The following MTDH variants were observed in gnomAD, a reference collection of about 807,000 sequenced individuals.
MTDH encodes metadherin, also known as protein LYRIC.
In MTDH, 34 loss-of-function variants were observed where a neutral mutation model predicts 72.7. That is an observed-to-expected ratio of 0.47 (90% CI 0.36 to 0.62). The LOEUF is 0.62. Among genes scored for constraint, MTDH ranks in the 20% least tolerant of loss-of-function variants. The pLI is 0.00. For missense variants in MTDH, 677 were observed against 699.4 expected, an observed-to-expected ratio of 0.97 and a Z score of 0.36; for synonymous variants, 266 against 268.9, an observed-to-expected ratio of 0.99 and a Z score of 0.10.
At chr8:97,673,393 T>C (rs1237650069) in intron 2 of MTDH, among the ~76,000 whole-genome samples, 1 of 152,054 alleles carries the variant, frequency 6.6e-6, no homozygotes, top group African/African-American at 2.4e-5. Context: ...GCACGGTGGT[T>C]CACGCCTGTA....
Position 97,724,913 on chromosome 8 carries a change from C to A in MTDH, c.*243C>A. The A allele has an allele frequency of 3.3e-6, 1 of 299,852 alleles. No individual in the cohort carries two copies. The allele number at this position is 299,852 out of a possible 1,614,324, so 18.6% of individuals were successfully genotyped here. A position where few individuals can be genotyped will look rare whatever the true frequency, so the allele number is the denominator to read the frequency against. ...GAAAGTCTTTTTAATAGAACAAGAA[C>A]GATCTTAATTTAAGAATATTATCCT... On this transcript the variant is annotated 3_prime_UTR_variant, in exon 12 of 12. Coordinates refer to ENST00000336273, the MANE Select transcript of MTDH (RefSeq NM_178812.4).
chr8:97,647,712 T>C (rs370834340), intron 1 of MTDH, among the ~76,000 whole-genome samples: 1 of 152,188 alleles, frequency 6.6e-6, no homozygotes, highest in East Asian at 1.9e-4. Context: ...GAAATCTTAG[T>C]TGAGTTAAAA....
intron 9 of MTDH, among the ~76,000 whole-genome samples, chr8:97,717,974 TC>T (rs1334875331): frequency 2.6e-5 from 4 of 152,272 alleles, no homozygotes; most frequent in African/African-American, 9.6e-5. Context: ...GGTCTTGAAC[TC>T]CTGACCTCAA....
At chr8:97,669,302 A>G (rs921932957) in intron 2 of MTDH, among the ~76,000 whole-genome samples, 3 of 151,838 alleles carry the variant, frequency 2.0e-5, no homozygotes, top group African/African-American at 7.3e-5. Flanking sequence ...GGCACCTGCC[A>G]CCACACCCAA....
At chr8:97,691,703 TTG>T (rs139784203) in intron 6 of MTDH, among the ~76,000 whole-genome samples, 30 of 149,518 alleles carry the variant, frequency 2.0e-4, no homozygotes, top group Admixed American at 2.7e-4. Flanking sequence ...GTGTGTGTGT[TTG>T]TGTGTGTGTG....
In MTDH at chr8:97,719,776, G is replaced by A. The variant is rs2131082476; in HGVS notation, c.1521+587G>A. On this transcript the variant is annotated intron_variant, in intron 10 of 11. Coordinates refer to ENST00000336273, the MANE Select transcript of MTDH (RefSeq NM_178812.4). ...ACAAGGGATAGACAGCTTAGACATA[G>A]AGAAAATATGAGTGGTTTCATTTTC... Among the ~76,000 whole-genome samples, 2 of 152,208 alleles carry A rather than the reference G, an allele frequency of 1.3e-5. 1 individual carries two copies. The highest frequency in any genetic ancestry group is 4.2e-4 in the South Asian group (2 of 4,818).
intron 10 of MTDH, among the ~76,000 whole-genome samples, chr8:97,722,382 A>G (rs1815164241): frequency 6.6e-6 from 1 of 152,184 alleles, no homozygotes; most frequent in South Asian, 2.1e-4. Context: ...CAGGCGGATC[A>G]CGAAGTCAAG....
At chr8:97,675,642 T>G (rs1812812458) in intron 2 of MTDH, among the ~76,000 whole-genome samples, 1 of 150,422 alleles carries the variant, frequency 6.6e-6, no homozygotes. Flanking sequence ...GAGGCTGAGG[T>G]GGGCAAATTG....
Position 97,661,122 on chromosome 8 carries a change from T to C in MTDH, c.432T>C (p.Pro144=). 1 of 1,613,056 alleles carries C rather than the reference T, an allele frequency of 6.2e-7. No homozygotes were observed. The highest frequency in any genetic ancestry group is 8.5e-7 in the Non-Finnish European group (1 of 1,179,564). Reference sequence around the variant, plus strand: ...CTGAGGGTGAAGCTGTTCGAACACCTCAAAGTGTAACAGCAAAGCAGCCAC... The same window carrying C: ...CTGAGGGTGAAGCTGTTCGAACACCCCAAAGTGTAACAGCAAAGCAGCCAC... ...EVAEGEAVRT[P]QSVTAKQPPE... The change falls in exon 2 of 12, where the codon CCT becomes CCC. Residue 144 remains proline (P), a synonymous_variant. Coordinates refer to ENST00000336273, the MANE Select transcript of MTDH (RefSeq NM_178812.4).
At chr8:97,646,227 G>T (rs1004588633) in intron 1 of MTDH, among the ~76,000 whole-genome samples, 2 of 152,196 alleles carry the variant, frequency 1.3e-5, no homozygotes, top group Non-Finnish European at 2.9e-5. Flanking sequence ...GTCACAGTTA[G>T]TGCATTATGA....
chr8:97,684,643 A>G (rs897399082), intron 2 of MTDH, among the ~76,000 whole-genome samples: 1 of 152,230 alleles, frequency 6.6e-6, no homozygotes, highest in African/African-American at 2.4e-5. Flanking sequence ...TAGTTGACAG[A>G]TGTTCAATAT....
chr8:97,656,877 A>G (rs1337260069), intron 1 of MTDH, among the ~76,000 whole-genome samples: 2 of 151,746 alleles, frequency 1.3e-5, no homozygotes, highest in Non-Finnish European at 2.9e-5. Flanking sequence ...ACATGTGTCT[A>G]ATGCTGAGAC....
At chr8:97,677,993 T>G (rs1181048765) in intron 2 of MTDH, among the ~76,000 whole-genome samples, 3 of 152,240 alleles carry the variant, frequency 2.0e-5, no homozygotes, top group Non-Finnish European at 4.4e-5. Context: ...CATTCATTCA[T>G]TAGCATATAC....
intron 1 of MTDH, among the ~76,000 whole-genome samples, chr8:97,660,417 G>A (rs1036530160): frequency 2.6e-5 from 4 of 152,028 alleles, no homozygotes; most frequent in African/African-American, 4.8e-5. Context: ...ATCATCTATG[G>A]CTGCTTTTAT....
intron 1 of MTDH, among the ~76,000 whole-genome samples, chr8:97,651,426 C>G (rs1024517891): frequency 6.6e-6 from 1 of 152,088 alleles, no homozygotes; most frequent in Non-Finnish European, 1.5e-5. Flanking sequence ...AAATCACTAA[C>G]AAAAAGCACC....
At chr8:97,680,111 C>T (rs1171905989) in intron 2 of MTDH, among the ~76,000 whole-genome samples, 1 of 152,084 alleles carries the variant, frequency 6.6e-6, no homozygotes, top group Non-Finnish European at 1.5e-5. Flanking sequence ...CTTGCTCTGT[C>T]GCCCAAGCTG....
chr8:97,702,345 T>G (rs112612552), intron 7 of MTDH, among the ~76,000 whole-genome samples: 48 of 152,340 alleles, frequency 3.2e-4, no homozygotes, highest in African/African-American at 1.1e-3. Context: ...GGTTTCAATC[T>G]TAACTTCCCT....
chr8:97,664,964 T>C (rs1031753129), intron 2 of MTDH, among the ~76,000 whole-genome samples: 8 of 152,160 alleles, frequency 5.3e-5, no homozygotes, highest in African/African-American at 1.9e-4. Flanking sequence ...TTTCACCACA[T>C]TGACCAAGGC....
Position 97,713,655 on chromosome 8 carries a change from A to G in MTDH, c.1273-7A>G. 2 of 1,555,866 alleles carry G rather than the reference A, an allele frequency of 1.3e-6. No individual in the cohort carries two copies. Among genetic ancestry groups the G allele is most frequent in the African/African-American group, 1.4e-5 (1 of 72,358 alleles). ...GTTCTCTTTAATATTTTTGCTTTTA[A>G]CCTAAGGTCTCAGATGATGATAAAG... On this transcript the variant is annotated splice_region_variant and splice_polypyrimidine_tract_variant and intron_variant, in intron 8 of 11. Transcript: ENST00000336273.
Sources: gnomAD v4.1 joint callset for allele counts (sites outside exome capture counted in the v4.1 genomes callset) on GRCh38, gnomAD v4.1.1 for gene constraint, MANE v1.5 for transcripts, NCBI Gene and HGNC (gene_info 2026-07-23, HGNC 2026-07-21) for gene names.